Variants in GRM8 observed in about 807,000 individuals in gnomAD.
The protein encoded by GRM8 is metabotropic glutamate receptor 8.
Under a neutral mutation model 87.2 loss-of-function variants are expected in GRM8, and 47 were observed. The ratio of observed to expected loss-of-function variants is 0.54; its 90% CI spans 0.43 to 0.69. The LOEUF (loss-of-function observed/expected upper bound fraction) is 0.69, where lower values mean the gene tolerates loss of function less well. Ranked by LOEUF, GRM8 falls within the 30% of genes least tolerant of loss-of-function variation. GRM8 has a pLI of 0.00. For synonymous variants in GRM8, 396 were observed against 404.5 expected (o/e 0.98, Z 0.25); for missense variants, 1,019 against 1,139.2 (o/e 0.89, Z 1.52).
At chr7:126,658,690 G>A (rs1804804256) in intron 7 of GRM8, among the ~76,000 whole-genome samples, 1 of 151,740 alleles carries the variant, frequency 6.6e-6, no homozygotes, top group Non-Finnish European at 1.5e-5. Context: ...CAGGGATGAT[G>A]TATGTGCTCT....
intron 6 of GRM8, among the ~76,000 whole-genome samples, chr7:126,832,506 A>T (rs1450173813): frequency 6.6e-6 from 1 of 152,226 alleles, no homozygotes; most frequent in African/African-American, 2.4e-5. Flanking sequence ...TATAAAGTTG[A>T]GTTAAAATAG....
chr7:127,062,567 A>G lies in GRM8; in HGVS notation c.727+43929T>C, dbSNP rs115343043. The stretch of plus-strand genomic sequence containing the variant: ...GTCAGGACTTGTGAACACATTGTAT[A>G]TAAGAAATACTGTAGGAATGGTTGG... On this transcript the variant is annotated intron_variant, in intron 3 of 10. Coordinates refer to ENST00000339582, the MANE Select transcript of GRM8 (RefSeq NM_000845.3). Among the ~76,000 whole-genome samples, 1,204 of 152,338 alleles carry G rather than the reference A, an allele frequency of 7.9e-3. 18 individuals are homozygous for G. The highest frequency in any genetic ancestry group is 0.028 in the African/African-American group (1,147 of 41,576).
intron 3 of GRM8, among the ~76,000 whole-genome samples, chr7:126,915,365 G>T (rs1054236245): frequency 5.1e-4 from 78 of 152,154 alleles, no homozygotes; most frequent in African/African-American, 1.8e-3. Flanking sequence ...GTTGTAAATT[G>T]TTTAAAATCA....
chr7:126,465,711 T>C (rs1299785490), intron 9 of GRM8, among the ~76,000 whole-genome samples: 5 of 151,948 alleles, frequency 3.3e-5, no homozygotes, highest in African/African-American at 9.7e-5. Flanking sequence ...ATCTGTAATT[T>C]CTTTTGGAAT....
At chr7:126,887,487 G>A (rs1477097610) in intron 6 of GRM8, among the ~76,000 whole-genome samples, 1 of 151,848 alleles carries the variant, frequency 6.6e-6, no homozygotes, top group Non-Finnish European at 1.5e-5. Context: ...TGAAAGAAGG[G>A]AGATATTGAG....
intron 3 of GRM8, among the ~76,000 whole-genome samples, chr7:127,065,302 A>C (rs1821001242): frequency 6.6e-6 from 1 of 152,326 alleles, no homozygotes; most frequent in Middle Eastern, 3.4e-3. Context: ...CTCACTTATA[A>C]GTGGAAGCTA....
intron 6 of GRM8, among the ~76,000 whole-genome samples, chr7:126,815,714 T>C (rs1203480769): frequency 2.0e-5 from 3 of 152,150 alleles, no homozygotes; most frequent in Admixed American, 6.6e-5. Flanking sequence ...CAATTTAGGT[T>C]CTTGGACCCA....
chr7:126,913,715 G>A (rs1313121853), intron 3 of GRM8, among the ~76,000 whole-genome samples: 1 of 152,230 alleles, frequency 6.6e-6, no homozygotes, highest in East Asian at 1.9e-4. Flanking sequence ...AGTAAAATTT[G>A]TTCTATGGTT....
chr7:126,451,199 T>C (rs770810621), intron 9 of GRM8, among the ~76,000 whole-genome samples: 28 of 151,938 alleles, frequency 1.8e-4, no homozygotes, highest in Non-Finnish European at 3.5e-4. Flanking sequence ...TGACAGCATC[T>C]GAAACTTAAC....
intron 8 of GRM8, among the ~76,000 whole-genome samples, chr7:126,570,787 A>C (rs1045974969): frequency 6.6e-6 from 1 of 152,134 alleles, no homozygotes; most frequent in African/African-American, 2.4e-5. Flanking sequence ...GCAACAACAC[A>C]ATCCAAGACT....
chr7:127,058,124 G>C, intron 3 of GRM8: 1 of 518,976 alleles, frequency 1.9e-6, no homozygotes, highest in Non-Finnish European at 3.9e-6. Context: ...GCGTCACCAC[G>C]TGATGACGCT....
At chr7:126,938,765 A>T (rs1392878359) in intron 3 of GRM8, among the ~76,000 whole-genome samples, 4 of 152,246 alleles carry the variant, frequency 2.6e-5, no homozygotes, top group African/African-American at 9.6e-5. Flanking sequence ...GGAATCCCAT[A>T]AAGTTATCTG....
intron 3 of GRM8, among the ~76,000 whole-genome samples, chr7:126,914,925 A>C (rs1305852172): frequency 6.6e-6 from 1 of 152,180 alleles, no homozygotes; most frequent in Non-Finnish European, 1.5e-5. Context: ...AAATAAAAAT[A>C]GATGCTTTTT....
chr7:126,800,088 T>G (rs1383325950), intron 6 of GRM8, among the ~76,000 whole-genome samples: 1 of 152,096 alleles, frequency 6.6e-6, no homozygotes, highest in Non-Finnish European at 1.5e-5. Context: ...GACATGGTTA[T>G]CCTCCAACAC....
intron 6 of GRM8, among the ~76,000 whole-genome samples, chr7:126,866,803 G>T (rs1235938970): frequency 6.6e-6 from 1 of 151,720 alleles, no homozygotes; most frequent in Non-Finnish European, 1.5e-5. Context: ...TGTTGGTCAG[G>T]CTGGTCTCAA....
intron 3 of GRM8, among the ~76,000 whole-genome samples, chr7:127,037,763 A>G (rs1817981104): frequency 6.6e-6 from 1 of 152,082 alleles, no homozygotes; most frequent in Non-Finnish European, 1.5e-5. Context: ...TGCAGAACAC[A>G]GGATCACAAG....
intron 9 of GRM8, among the ~76,000 whole-genome samples, chr7:126,478,764 C>T (rs765359554): frequency 2.2e-4 from 34 of 151,994 alleles, no homozygotes; most frequent in Non-Finnish European, 4.4e-4. Flanking sequence ...AAAACTAGGT[C>T]GAACACTAAA....
At chr7:126,724,825 T>C (rs1812790625) in intron 7 of GRM8, among the ~76,000 whole-genome samples, 3 of 151,214 alleles carry the variant, frequency 2.0e-5, no homozygotes, top group African/African-American at 7.3e-5. Flanking sequence ...TCAAAACTGA[T>C]TTTAAGCAGT....
At chr7:126,651,898 T>C (rs1803927894) in intron 7 of GRM8, among the ~76,000 whole-genome samples, 1 of 152,104 alleles carries the variant, frequency 6.6e-6, no homozygotes, top group African/African-American at 2.4e-5. Flanking sequence ...GGACTACAAA[T>C]GGCCAAGACC....
Sources: gnomAD v4.1 joint callset for allele counts (sites outside exome capture counted in the v4.1 genomes callset) on GRCh38, gnomAD v4.1.1 for gene constraint, MANE v1.5 for transcripts, NCBI Gene and HGNC (gene_info 2026-07-23, HGNC 2026-07-21) for gene names.